CDH13: variants seen among roughly 807,000 people sequenced by gnomAD.
CDH13 encodes the protein cadherin-13.
A neutral mutation model predicts 63.8 loss-of-function variants in CDH13; 24 were observed. The ratio of observed to expected loss-of-function variants is 0.38; its 90% CI spans 0.27 to 0.53. The LOEUF (loss-of-function observed/expected upper bound fraction) is 0.53. Among genes scored for constraint, CDH13 ranks in the 20% least tolerant of loss-of-function variants. The pLI, the probability that CDH13 is intolerant of heterozygous loss-of-function variation, is 0.85. For missense variants in CDH13, 1,049 were observed against 903.1 expected (o/e 1.16, Z -2.07); for synonymous variants, 503 against 355.3 (o/e 1.42, Z -4.67).
chr16:82,896,236 A>C (rs2151231668), intron 2 of CDH13, among the ~76,000 whole-genome samples: 1 of 145,060 alleles, frequency 6.9e-6, no homozygotes, highest in African/African-American at 2.5e-5. Context: ...GGCATATTGC[A>C]GATTGAGATA....
chr16:83,626,401 T>C (rs1910308574), intron 8 of CDH13, among the ~76,000 whole-genome samples: 1 of 152,122 alleles, frequency 6.6e-6, no homozygotes, highest in South Asian at 2.1e-4. Flanking sequence ...GTGAAAGTGC[T>C]TAGGATGTAG....
intron 7 of CDH13, among the ~76,000 whole-genome samples, chr16:83,556,492 G>C (rs1307369649): frequency 1.3e-5 from 2 of 152,182 alleles, no homozygotes; most frequent in Non-Finnish European, 2.9e-5. Flanking sequence ...TAAAGCCAAA[G>C]TTGTTGTTGT....
intron 1 of CDH13, among the ~76,000 whole-genome samples, chr16:82,724,434 G>A (rs1311975227): frequency 6.6e-6 from 1 of 152,176 alleles, no homozygotes; most frequent in African/African-American, 2.4e-5. Flanking sequence ...CAGGTGCCAT[G>A]ATTATCACTT....
intron 4 of CDH13, among the ~76,000 whole-genome samples, chr16:83,165,387 G>C (rs1467760462): frequency 6.6e-6 from 1 of 152,122 alleles, no homozygotes; most frequent in African/African-American, 2.4e-5. Flanking sequence ...GGCTGGTTGT[G>C]TGCTTAACTC....
At chr16:83,182,312 A>G (rs2038372289) in intron 4 of CDH13, among the ~76,000 whole-genome samples, 1 of 152,242 alleles carries the variant, frequency 6.6e-6, no homozygotes, top group Admixed American at 6.5e-5. Context: ...AGCTAAGGCC[A>G]TAAACTGTGT....
chr16:83,126,561 G>C (rs775063945), intron 4 of CDH13, among the ~76,000 whole-genome samples: 2 of 152,184 alleles, frequency 1.3e-5, no homozygotes, highest in Non-Finnish European at 2.9e-5. Flanking sequence ...ATAAGAAAGA[G>C]ATGTGAGTCA....
At chr16:83,296,208 T>G (rs2089593338) in intron 5 of CDH13, among the ~76,000 whole-genome samples, 1 of 152,186 alleles carries the variant, frequency 6.6e-6, no homozygotes, top group Non-Finnish European at 1.5e-5. Flanking sequence ...TTCTTTGTGC[T>G]TCTCTGTCCT....
At chr16:83,703,137 TGAG>T (rs1434197054) in intron 10 of CDH13, among the ~76,000 whole-genome samples, 1 of 152,252 alleles carries the variant, frequency 6.6e-6, no homozygotes, top group Non-Finnish European at 1.5e-5. Context: ...CATATTGTAT[TGAG>T]TAGTGCTTTA....
chr16:82,780,810 G>A, intron 1 of CDH13, among the ~76,000 whole-genome samples: 1 of 152,294 alleles, frequency 6.6e-6, no homozygotes, highest in Middle Eastern at 3.4e-3. Context: ...AGGAAGAAAA[G>A]ACATGTATAA....
intron 2 of CDH13, among the ~76,000 whole-genome samples, chr16:82,994,659 G>A (rs749997019): frequency 6.6e-6 from 1 of 152,152 alleles, no homozygotes; most frequent in Non-Finnish European, 1.5e-5. Flanking sequence ...TTGTAAGGAA[G>A]AAAAACGTAT....
intron 2 of CDH13, among the ~76,000 whole-genome samples, chr16:83,016,162 G>A (rs1243585167): frequency 6.6e-6 from 1 of 152,148 alleles, no homozygotes; most frequent in Admixed American, 6.5e-5. Context: ...AGGATGAATA[G>A]GCATGGCCTA....
At chr16:82,777,357 G>A (rs1171648717) in intron 1 of CDH13, among the ~76,000 whole-genome samples, 1 of 152,188 alleles carries the variant, frequency 6.6e-6, no homozygotes, top group Non-Finnish European at 1.5e-5. Context: ...ATATGCTATA[G>A]AAAACTAAAC....
intron 8 of CDH13, among the ~76,000 whole-genome samples, chr16:83,659,276 G>T (rs28499084): frequency 0.18 from 26,907 of 145,954 alleles, 2,388 homozygotes; most frequent in East Asian, 0.35. Flanking sequence ...CACCAGCAAG[G>T]TCTCATGTCC....
At chr16:82,989,616 A>G (rs1161641661) in intron 2 of CDH13, among the ~76,000 whole-genome samples, 2 of 152,210 alleles carry the variant, frequency 1.3e-5, no homozygotes, top group African/African-American at 2.4e-5. Context: ...CAGTGATACA[A>G]TGGAGACTTT....
intron 1 of CDH13, among the ~76,000 whole-genome samples, chr16:82,855,470 C>T (rs966721677): frequency 2.0e-5 from 3 of 152,224 alleles, no homozygotes; most frequent in South Asian, 4.1e-4. Context: ...TAATTGTAGG[C>T]ACTGGGTGTA....
intron 2 of CDH13, among the ~76,000 whole-genome samples, chr16:83,013,004 G>A (rs1394702425): frequency 6.6e-6 from 1 of 152,228 alleles, no homozygotes; most frequent in Non-Finnish European, 1.5e-5. Flanking sequence ...AACTGATGGT[G>A]CAGAATACAC....
At chr16:83,092,064 C>T (rs559417897) in intron 3 of CDH13, among the ~76,000 whole-genome samples, 1 of 152,316 alleles carries the variant, frequency 6.6e-6, no homozygotes, top group East Asian at 1.9e-4. Flanking sequence ...TTGACATTAT[C>T]CTACCAAGTT....
chr16:82,632,242 G>C (rs1265955007), intron 1 of CDH13, among the ~76,000 whole-genome samples: 1 of 152,156 alleles, frequency 6.6e-6, no homozygotes, highest in African/African-American at 2.4e-5. Context: ...AGGGCTTTTT[G>C]AGTTTGGGAC....
At chr16:83,735,863 T>C (rs993014297) in intron 10 of CDH13, 12 of 152,210 alleles carry the variant, frequency 7.9e-5, no homozygotes, top group Non-Finnish European at 1.5e-4. Context: ...GTAAATGGAA[T>C]ACTGGGGTGA....
Sources: allele counts gnomAD v4.1 joint callset (sites outside exome capture counted in the v4.1 genomes callset), GRCh38; gene constraint gnomAD v4.1.1; transcripts MANE v1.5; gene names NCBI Gene and HGNC (gene_info 2026-07-23, HGNC 2026-07-21).